Variants in DARS1 observed in about 807,000 individuals in gnomAD.
DARS1 encodes aspartate--tRNA ligase, cytoplasmic.
DARS1 carries 51 observed loss-of-function variants against 68.8 expected under a neutral mutation model. The ratio of observed to expected loss-of-function variants is 0.74; its 90% CI spans 0.59 to 0.94. DARS1 has a LOEUF of 0.94. Among genes scored for constraint, DARS1 ranks in the 40% least tolerant of loss-of-function variants. The pLI is 0.00. For missense variants in DARS1, 607 were observed against 597.3 expected (o/e 1.02, Z -0.17); for synonymous variants, 203 against 190.4 (o/e 1.07, Z -0.55).
chr2:135,942,778 T>C (rs1681633070), intron 5 of DARS1, among the ~76,000 whole-genome samples: 1 of 152,178 alleles, frequency 6.6e-6, no homozygotes, highest in Admixed American at 6.5e-5. Flanking sequence ...TTCAGATGTG[T>C]TTTGTATTTT....
chr2:135,928,891 G>A lies in DARS1; in HGVS notation c.564+3892C>T, dbSNP rs141919588. Among the ~76,000 whole-genome samples, 751 of 152,048 alleles carry A rather than the reference G, an allele frequency of 4.9e-3. 4 individuals are homozygous for A. Among genetic ancestry groups the A allele is most frequent in the South Asian group, 0.027 (132 of 4,810 alleles). The stretch of plus-strand genomic sequence containing the variant: ...TGACCTCAAGTGATCCACTGTGCTC[G>A]GCCAGAATTATGTAGAATTTCTAAT... On this transcript the variant is annotated intron_variant, in intron 7 of 15. Transcript: ENST00000264161.
At chr2:135,940,014 C>T (rs374621336) in intron 5 of DARS1, among the ~76,000 whole-genome samples, 1 of 152,078 alleles carries the variant, frequency 6.6e-6, no homozygotes, top group Non-Finnish European at 1.5e-5. Flanking sequence ...AGGCAATAAT[C>T]AATAGCCTAC....
chr2:135,953,942 C>T (rs309144), intron 4 of DARS1, among the ~76,000 whole-genome samples: 3,497 of 146,926 alleles, frequency 0.024, 120 homozygotes, highest in African/African-American at 0.082. Context: ...TTTTTTGTAG[C>T]GACAGGGTTT....
intron 3 of DARS1, among the ~76,000 whole-genome samples, chr2:135,977,695 C>CTGT (rs1280673611): frequency 1.3e-5 from 2 of 152,164 alleles, no homozygotes; most frequent in Non-Finnish European, 2.9e-5. Flanking sequence ...TTCTCAAAGT[C>CTGT]TGTCAGTATT....
Position 135,985,494 on chromosome 2 carries a change from A to C in DARS1, c.-26T>G, listed in dbSNP as rs1200646216. On this transcript the variant is annotated 5_prime_UTR_variant, in exon 1 of 16. Transcript: ENST00000264161. Reference sequence around the variant, plus strand: ...CGGGACACGGAACTGGGCAGTGGACACCACCCTCCCTCGCAGGCTTCCGTA... The same window carrying C: ...CGGGACACGGAACTGGGCAGTGGACCCCACCCTCCCTCGCAGGCTTCCGTA... 4 of 1,613,862 alleles carry C rather than the reference A, an allele frequency of 2.5e-6. No individual in the cohort carries two copies. The East Asian group carries it at 6.7e-5, about 27-fold the overall frequency.
At chr2:135,931,646 T>C (rs929252773) in intron 7 of DARS1, among the ~76,000 whole-genome samples, 1 of 152,124 alleles carries the variant, frequency 6.6e-6, no homozygotes, top group African/African-American at 2.4e-5. Context: ...ATGTGAACGC[T>C]TGCAAGGGCC....
intron 3 of DARS1, among the ~76,000 whole-genome samples, chr2:135,968,658 CTT>C (rs765797736): frequency 1.0e-4 from 13 of 129,018 alleles, no homozygotes; most frequent in African/African-American, 8.8e-5. Context: ...GGGGATTCAG[CTT>C]TTTTTTTTTT....
At chr2:135,963,992 T>A (rs952401527) in intron 3 of DARS1, among the ~76,000 whole-genome samples, 12 of 152,218 alleles carry the variant, frequency 7.9e-5, no homozygotes, top group Non-Finnish European at 8.8e-5. Context: ...TAATGACTAT[T>A]ATTAGTAACA....
At chr2:135,948,740 G>A (rs932897205) in intron 4 of DARS1, among the ~76,000 whole-genome samples, 7 of 152,064 alleles carry the variant, frequency 4.6e-5, no homozygotes, top group Non-Finnish European at 8.8e-5. Flanking sequence ...GCGTGGTAGC[G>A]TGTGCCTGTA....
chr2:135,921,405 C>A (rs1169266159), intron 9 of DARS1, among the ~76,000 whole-genome samples: 4 of 151,904 alleles, frequency 2.6e-5, no homozygotes, highest in Non-Finnish European at 5.9e-5. Context: ...ACTCTGCTTC[C>A]TGTCTAGAAC....
chr2:135,934,332 A>G (rs1422158165), intron 5 of DARS1, among the ~76,000 whole-genome samples: 3 of 152,142 alleles, frequency 2.0e-5, no homozygotes, highest in African/African-American at 7.2e-5. Context: ...CAAAAAAGCT[A>G]TGGTTAGGGG....
At position 135,914,429 on chromosome 2, in the gene DARS1, C is replaced by T. The variant is rs745621000; in HGVS notation, c.1149+40G>A. Reference sequence around the variant, plus strand: ...TTGTTTTTAGTCCCAAGAGACATTTCAGAATTAGAAAAAGAAATCCAGCAT... The same window carrying T: ...TTGTTTTTAGTCCCAAGAGACATTTTAGAATTAGAAAAAGAAATCCAGCAT... On this transcript the variant is annotated intron_variant, in intron 12 of 15. Coordinates refer to ENST00000264161, the MANE Select transcript of DARS1 (RefSeq NM_001349.4). The T allele has an allele frequency of 2.3e-5, 22 of 965,706 alleles. No homozygotes were observed. The South Asian group carries it at 2.4e-4, about 11-fold the overall frequency. The allele number at this position is 965,706 out of a possible 1,614,324, so 59.8% of individuals were successfully genotyped here.
rs548938971 is a variant in DARS1, at chr2:135,937,645, T to A, written c.424-3655A>T. 5.3e-5 allele frequency among the ~76,000 whole-genome samples: 8 copies of A among 152,334 alleles called. 1 individual carries two copies. In the South Asian group the frequency reaches 1.7e-3, roughly 32 times the overall value. On this transcript the variant is annotated intron_variant, in intron 5 of 15. Coordinates refer to ENST00000264161, the MANE Select transcript of DARS1 (RefSeq NM_001349.4). ...GGCTGGTACTGGTTGTTCCTTTCCA[T>A]GTTTAGTGCCTCCTTCAGGAGCTCT...
intron 6 of DARS1, among the ~76,000 whole-genome samples, chr2:135,933,339 A>C (rs888623167): frequency 2.0e-5 from 3 of 152,248 alleles, no homozygotes; most frequent in African/African-American, 7.2e-5. Flanking sequence ...GCAGTCTGCT[A>C]AAGATTCTAT....
chr2:135,950,201 T>C (rs1681811807), intron 4 of DARS1, among the ~76,000 whole-genome samples: 1 of 152,192 alleles, frequency 6.6e-6, no homozygotes, highest in Non-Finnish European at 1.5e-5. Context: ...GTCCAGTCTC[T>C]TTGGGCAGTA....
chr2:135,979,699 T>C (rs1002703551), intron 2 of DARS1, among the ~76,000 whole-genome samples: 5 of 152,212 alleles, frequency 3.3e-5, no homozygotes, highest in African/African-American at 1.2e-4. Context: ...TCAGTCTCCT[T>C]TGAAGTCAGA....
intron 3 of DARS1, among the ~76,000 whole-genome samples, chr2:135,976,782 CA>C (rs10598545): frequency 0.04 from 4,148 of 104,504 alleles, 117 homozygotes; most frequent in African/African-American, 0.098. Flanking sequence ...GCAAATATTC[CA>C]AAAAAAAAAA....
chr2:135,965,140 C>G (rs10171310), intron 3 of DARS1, among the ~76,000 whole-genome samples: 3,479 of 151,834 alleles, frequency 0.023, 113 homozygotes, highest in African/African-American at 0.079. Context: ...CAGGACATTA[C>G]GAAATTTAAA....
At chr2:135,968,686 G>C (rs567331398) in intron 3 of DARS1, among the ~76,000 whole-genome samples, 14 of 130,622 alleles carry the variant, frequency 1.1e-4, no homozygotes, top group African/African-American at 4.2e-4. Flanking sequence ...TTTTGAGACA[G>C]AGTCTCACTC....
Sources: allele counts gnomAD v4.1 joint callset (sites outside exome capture counted in the v4.1 genomes callset), GRCh38; gene constraint gnomAD v4.1.1; transcripts MANE v1.5; gene names NCBI Gene and HGNC (gene_info 2026-07-23, HGNC 2026-07-21).